PTPRD: variants seen among roughly 807,000 people sequenced by gnomAD.
The protein encoded by PTPRD is receptor-type tyrosine-protein phosphatase delta.
A neutral mutation model predicts 214.5 loss-of-function variants in PTPRD; 34 were observed. The observed-to-expected ratio is 0.16, with a 90% CI of 0.12 to 0.21. The LOEUF is 0.21. Ranked by LOEUF, PTPRD falls within the 10% of genes least tolerant of loss-of-function variation. PTPRD has a pLI of 1.00. For synonymous variants in PTPRD, 1,128 were observed against 845.7 expected, an observed-to-expected ratio of 1.33 and a Z score of -5.79; for missense variants, 2,545 against 2,398.7, an observed-to-expected ratio of 1.06 and a Z score of -1.27.
At chr9:8,666,419 A>C (rs1482743891) in intron 12 of PTPRD, among the ~76,000 whole-genome samples, 1 of 152,202 alleles carries the variant, frequency 6.6e-6, no homozygotes, top group Non-Finnish European at 1.5e-5. Context: ...TCTTATGTGA[A>C]AGGGAAAAAA....
At chr9:10,519,072 A>G (rs1403625667) in intron 2 of PTPRD, among the ~76,000 whole-genome samples, 2 of 151,930 alleles carry the variant, frequency 1.3e-5, no homozygotes, top group Non-Finnish European at 2.9e-5. Flanking sequence ...CAAATCCAGC[A>G]GCATATCCTC....
intron 2 of PTPRD, among the ~76,000 whole-genome samples, chr9:10,580,005 G>C (rs143540604): frequency 6.6e-6 from 1 of 151,960 alleles, no homozygotes; most frequent in African/African-American, 2.4e-5. Context: ...CTAGATATTA[G>C]TTTTCACTCA....
In PTPRD at chr9:8,550,474, C is replaced by T. The variant is rs73430447; in HGVS notation, c.353-21695G>A. On this transcript the variant is annotated intron_variant, in intron 14 of 45. Coordinates refer to ENST00000381196, the MANE Select transcript of PTPRD (RefSeq NM_002839.4). ...CTGCATTATTTATTATAATTAGTTGCCCTGAAATATTTTAAGGCCATCAAA... is the reference window on the plus strand; with the variant it reads ...CTGCATTATTTATTATAATTAGTTGTCCTGAAATATTTTAAGGCCATCAAA... Among the ~76,000 whole-genome samples the T allele has an allele frequency of 2.2e-3, 328 of 152,130 alleles. 1 individual carries two copies. Among genetic ancestry groups the T allele is most frequent in the African/African-American group, 7.3e-3 (305 of 41,500 alleles).
At chr9:10,356,675 TTTTTTTC>T (rs1255988983) in intron 2 of PTPRD, among the ~76,000 whole-genome samples, 1 of 151,640 alleles carries the variant, frequency 6.6e-6, no homozygotes, top group Non-Finnish European at 1.5e-5. Flanking sequence ...ATAAAAATGT[TTTTTTTC>T]TTTTTTCTTT....
At chr9:10,597,547 G>C (rs966456017) in intron 2 of PTPRD, among the ~76,000 whole-genome samples, 2 of 151,706 alleles carry the variant, frequency 1.3e-5, no homozygotes, top group South Asian at 4.1e-4. Context: ...TTAAAATAAT[G>C]CATGACTTGA....
At chr9:10,192,445 G>GAAAAAAAAA (rs552289562) in intron 3 of PTPRD, among the ~76,000 whole-genome samples, 1 of 72,646 alleles carries the variant, frequency 1.4e-5, no homozygotes, top group Non-Finnish European at 2.6e-5. Context: ...CACGATCCAG[G>GAAAAAAAAA]AAAAAAAAAA....
At chr9:10,289,144 G>A (rs2095454793) in intron 3 of PTPRD, among the ~76,000 whole-genome samples, 1 of 151,870 alleles carries the variant, frequency 6.6e-6, no homozygotes, top group South Asian at 2.1e-4. Flanking sequence ...ATGCTATAAA[G>A]TTGAAAGGCT....
rs143676080 is a variant in PTPRD, at chr9:9,775,228, T to C, written c.-367-8377A>G. ...TTTTAACCACAGAGAATTTTATCCA[T>C]GAAGGTCACTTGTTTTATTGTACTG... On this transcript the variant is annotated intron_variant, in intron 5 of 45. Coordinates refer to ENST00000381196, the MANE Select transcript of PTPRD (RefSeq NM_002839.4). Among the ~76,000 whole-genome samples, 339 of 152,330 alleles carry C rather than the reference T, an allele frequency of 2.2e-3. 1 individual carries two copies. Among genetic ancestry groups the C allele is most frequent in the African/African-American group, 7.7e-3 (321 of 41,576 alleles).
intron 2 of PTPRD, among the ~76,000 whole-genome samples, chr9:10,535,306 T>A (rs2057492297): frequency 6.6e-6 from 1 of 152,174 alleles, no homozygotes; most frequent in South Asian, 2.1e-4. Flanking sequence ...TTGCTTCATA[T>A]TGATGAATCT....
chr9:10,174,958 G>A (rs2099237819), intron 3 of PTPRD, among the ~76,000 whole-genome samples: 1 of 152,026 alleles, frequency 6.6e-6, no homozygotes, highest in Non-Finnish European at 1.5e-5. Flanking sequence ...AATTACTTGA[G>A]AAAATAGCTA....
chr9:10,291,848 A>G (rs1596307554), intron 3 of PTPRD, among the ~76,000 whole-genome samples: 1 of 152,090 alleles, frequency 6.6e-6, no homozygotes, highest in African/African-American at 2.4e-5. Context: ...AAAATTTGAA[A>G]GAGCCACTGA....
intron 10 of PTPRD, among the ~76,000 whole-genome samples, chr9:9,076,748 C>A (rs139790178): frequency 6.6e-6 from 1 of 150,446 alleles, no homozygotes. Flanking sequence ...AATAGTGTTG[C>A]AATAAACATG....
intron 10 of PTPRD, among the ~76,000 whole-genome samples, chr9:9,078,939 T>C (rs1180254137): frequency 6.6e-6 from 1 of 152,106 alleles, no homozygotes; most frequent in Non-Finnish European, 1.5e-5. Flanking sequence ...ACTCATAATG[T>C]TGAGTGATCA....
chr9:8,552,072 C>T (rs192174940), intron 14 of PTPRD, among the ~76,000 whole-genome samples: 2 of 152,254 alleles, frequency 1.3e-5, no homozygotes, highest in Admixed American at 1.3e-4. Flanking sequence ...CTATCAATGA[C>T]CTGGACCAGA....
chr9:10,595,602 A>G lies in PTPRD; in HGVS notation c.-600+16796T>C, dbSNP rs1320940469. On this transcript the variant is annotated intron_variant, in intron 2 of 45. Transcript: ENST00000381196. The stretch of plus-strand genomic sequence containing the variant: ...TATGATTTAAATATAATTTGCCTAT[A>G]TTATTTAATATTTCTGGGTACTTTT... Among the ~76,000 whole-genome samples, 4 of 151,728 alleles carry G rather than the reference A, an allele frequency of 2.6e-5. No homozygotes were observed. In the East Asian group the frequency reaches 7.8e-4, roughly 29 times the overall value.
intron 11 of PTPRD, among the ~76,000 whole-genome samples, chr9:8,954,847 A>T (rs2099122917): frequency 6.6e-6 from 1 of 151,890 alleles, no homozygotes. Flanking sequence ...CAATTTGAGT[A>T]AATATTGAAA....
At chr9:10,066,470 T>C (rs931052021) in intron 3 of PTPRD, among the ~76,000 whole-genome samples, 2 of 151,468 alleles carry the variant, frequency 1.3e-5, no homozygotes, top group Admixed American at 6.6e-5. Context: ...AATGTATACA[T>C]AATCACACAT....
chr9:8,638,871 T>C (rs999869690), intron 12 of PTPRD, among the ~76,000 whole-genome samples: 4 of 152,032 alleles, frequency 2.6e-5, no homozygotes, highest in African/African-American at 9.7e-5. Flanking sequence ...TTAGATGGAG[T>C]CTCACTCTGT....
intron 11 of PTPRD, among the ~76,000 whole-genome samples, chr9:8,929,905 A>C (rs1235057146): frequency 1.9e-5 from 1 of 53,894 alleles, no homozygotes; most frequent in African/African-American, 4.4e-5. Flanking sequence ...ATATGTGTAT[A>C]TATATGTGTG....
Sources: allele counts gnomAD v4.1 joint callset (sites outside exome capture counted in the v4.1 genomes callset), GRCh38; gene constraint gnomAD v4.1.1; transcripts MANE v1.5; gene names NCBI Gene and HGNC (gene_info 2026-07-23, HGNC 2026-07-21).